The following HPSE2 variants were observed in gnomAD, a reference collection of about 807,000 sequenced individuals.
The protein encoded by HPSE2 is heparanase 2 (inactive), also known as inactive heparanase-2.
Under a neutral mutation model 60.5 loss-of-function variants are expected in HPSE2, and 38 were observed. The ratio of observed to expected loss-of-function variants is 0.63; its 90% CI spans 0.48 to 0.82. The LOEUF (loss-of-function observed/expected upper bound fraction) is 0.82, where lower values mean the gene tolerates loss of function less well. Ranked by LOEUF, HPSE2 falls within the 40% of genes least tolerant of loss-of-function variation. The pLI, the probability that HPSE2 is intolerant of heterozygous loss-of-function variation, is 0.00. For missense variants in HPSE2, 713 were observed against 740.4 expected (o/e 0.96, Z 0.43); for synonymous variants, 295 against 293.2 (o/e 1.01, Z -0.06).
intron 6 of HPSE2, among the ~76,000 whole-genome samples, chr10:98,679,822 G>A (rs922332984): frequency 6.6e-6 from 1 of 151,844 alleles, no homozygotes; most frequent in African/African-American, 2.4e-5. Flanking sequence ...GTCCTGTGTA[G>A]CTAGAACTAC....
At chr10:99,306,098 T>C in the HPSE2 span, among the ~76,000 whole-genome samples, 1 of 151,000 alleles carries the variant, frequency 6.6e-6, no homozygotes, top group African/African-American at 2.4e-5. Flanking sequence ...AAAACAGTGC[T>C]AGAGACTTAT....
At chr10:98,918,866 A>G (rs1243013120) in intron 3 of HPSE2, among the ~76,000 whole-genome samples, 1 of 152,084 alleles carries the variant, frequency 6.6e-6, no homozygotes, top group Non-Finnish European at 1.5e-5. Context: ...CAATTAATAA[A>G]AAAAAGACTC....
intron 9 of HPSE2, among the ~76,000 whole-genome samples, chr10:98,495,599 A>G (rs1056727384): frequency 1.4e-4 from 22 of 152,040 alleles, no homozygotes; most frequent in Non-Finnish European, 2.6e-4. Flanking sequence ...CTCAGACTAG[A>G]TAATTTCCAC....
chr10:98,477,050 G>C (rs1408897887), intron 11 of HPSE2, among the ~76,000 whole-genome samples: 1 of 152,162 alleles, frequency 6.6e-6, no homozygotes, highest in African/African-American at 2.4e-5. Context: ...AAGTGCACTA[G>C]AGTAAGGGTC....
intron 5 of HPSE2, among the ~76,000 whole-genome samples, chr10:98,719,374 T>C (rs1948865213): frequency 6.6e-6 from 1 of 151,844 alleles, no homozygotes; most frequent in African/African-American, 2.4e-5. Flanking sequence ...AAAAATACAG[T>C]GCCATGCAAG....
At chr10:98,966,905 C>T (rs192482666) in intron 3 of HPSE2, among the ~76,000 whole-genome samples, 17 of 152,238 alleles carry the variant, frequency 1.1e-4, no homozygotes, top group Admixed American at 9.8e-4. Context: ...TAAATATGTA[C>T]AAATATATCA....
At chr10:98,917,620 C>A (rs1439873700) in intron 3 of HPSE2, among the ~76,000 whole-genome samples, 1 of 152,184 alleles carries the variant, frequency 6.6e-6, no homozygotes, top group Non-Finnish European at 1.5e-5. Context: ...ACATTTAAGT[C>A]ACCCAGTTTG....
intron 3 of HPSE2, among the ~76,000 whole-genome samples, chr10:98,754,174 T>A (rs1453741836): frequency 6.6e-6 from 1 of 152,186 alleles, no homozygotes; most frequent in African/African-American, 2.4e-5. Flanking sequence ...ACTGATCTGA[T>A]AGAGTTGAAA....
At chr10:98,818,130 T>C (rs761375038) in intron 3 of HPSE2, among the ~76,000 whole-genome samples, 1 of 152,216 alleles carries the variant, frequency 6.6e-6, no homozygotes, top group African/African-American at 2.4e-5. Flanking sequence ...AGTGGACCCA[T>C]GTACTTCAAA....
chr10:98,850,891 A>G (rs945418524), intron 3 of HPSE2, among the ~76,000 whole-genome samples: 3 of 152,336 alleles, frequency 2.0e-5, no homozygotes, highest in African/African-American at 7.2e-5. Flanking sequence ...GGCAACATCA[A>G]GTAGACACTG....
At chr10:98,815,529 T>C (rs771263265) in intron 3 of HPSE2, among the ~76,000 whole-genome samples, 4 of 152,150 alleles carry the variant, frequency 2.6e-5, no homozygotes, top group Non-Finnish European at 5.9e-5. Flanking sequence ...ACAGCACTTG[T>C]AGTTTGGGAG....
intron 3 of HPSE2, among the ~76,000 whole-genome samples, chr10:98,799,496 T>G (rs1268342127): frequency 6.6e-6 from 1 of 152,148 alleles, no homozygotes. Flanking sequence ...ATAGTTCTGC[T>G]CAGCACATGG....
chr10:98,692,649 G>C (rs543600756), intron 6 of HPSE2, among the ~76,000 whole-genome samples: 1 of 152,170 alleles, frequency 6.6e-6, no homozygotes, highest in African/African-American at 2.4e-5. Context: ...GGCGCCTGTA[G>C]TCCCAGCTAC....
intron 11 of HPSE2, among the ~76,000 whole-genome samples, chr10:98,479,886 A>G (rs1486558968): frequency 2.0e-5 from 3 of 152,220 alleles, no homozygotes; most frequent in Admixed American, 2.0e-4. Context: ...ATTGAGTCTC[A>G]TAATAATCCC....
intron 9 of HPSE2, among the ~76,000 whole-genome samples, chr10:98,549,814 G>A (rs61872974): frequency 0.032 from 4,826 of 152,028 alleles, 111 homozygotes; most frequent in Non-Finnish European, 0.051. Flanking sequence ...ATCTCAGAAC[G>A]AGCCTTCTCT....
intron 10 of HPSE2, among the ~76,000 whole-genome samples, chr10:98,486,973 T>C (rs1486296663): frequency 6.6e-6 from 1 of 152,186 alleles, no homozygotes; most frequent in Non-Finnish European, 1.5e-5. Context: ...TTTATGAGTC[T>C]TTAAAAAAAC....
At chr10:99,080,116 C>T (rs1308242379) in intron 3 of HPSE2, among the ~76,000 whole-genome samples, 2 of 152,140 alleles carry the variant, frequency 1.3e-5, no homozygotes, top group Non-Finnish European at 2.9e-5. Flanking sequence ...AAAAAAGAAA[C>T]TTGTCCATGT....
At chr10:99,156,849 A>C in intron 2 of HPSE2, among the ~76,000 whole-genome samples, 1 of 81,086 alleles carries the variant, frequency 1.2e-5, no homozygotes, top group Non-Finnish European at 3.6e-5. Flanking sequence ...TATCTAGAAA[A>C]CCCCATTGTC....
chr10:98,497,212 T>C (rs1000474833), intron 9 of HPSE2, among the ~76,000 whole-genome samples: 3 of 152,168 alleles, frequency 2.0e-5, no homozygotes, highest in African/African-American at 7.2e-5. Flanking sequence ...TTGGAAATTG[T>C]GACTTTAAGT....
Sources: allele counts gnomAD v4.1 joint callset (sites outside exome capture counted in the v4.1 genomes callset), GRCh38; gene constraint gnomAD v4.1.1; transcripts MANE v1.5; gene names NCBI Gene and HGNC (gene_info 2026-07-23, HGNC 2026-07-21).